GLDC: variants seen among roughly 807,000 people sequenced by gnomAD.
GLDC encodes glycine dehydrogenase (decarboxylating), mitochondrial.
GLDC carries 104 observed loss-of-function variants against 121.3 expected under a neutral mutation model. That is an observed-to-expected ratio of 0.86 (90% CI 0.73 to 1.01). The LOEUF (loss-of-function observed/expected upper bound fraction) is 1.01, where lower values mean the gene tolerates loss of function less well. Ranked by LOEUF, GLDC falls within the 50% of genes least tolerant of loss-of-function variation. The probability of loss-of-function intolerance (pLI) is 0.00; values close to 1 mark genes in which losing one functional copy is unlikely to be tolerated. For synonymous variants in GLDC, 546 were observed against 480.6 expected (o/e 1.14, Z -1.78); for missense variants, 1,429 against 1,306.6 (o/e 1.09, Z -1.44).
At chr9:6,602,464 C>T (rs373643354) in intron 7 of GLDC, among the ~76,000 whole-genome samples, 1 of 151,334 alleles carries the variant, frequency 6.6e-6, no homozygotes, top group Non-Finnish European at 1.5e-5. Context: ...GCAACCTCTG[C>T]CTTCTGGTTT....
chr9:6,589,258 C>T lies in GLDC; in HGVS notation c.1517G>A (p.Arg506Lys). The change falls in exon 12 of 25, where the codon AGA (arginine) becomes AAA (lysine). Residue 506 changes from arginine to lysine, a missense_variant. Coordinates refer to ENST00000321612, the MANE Select transcript of GLDC (RefSeq NM_000170.3). The stretch of plus-strand genomic sequence containing the variant: ...CTTGAACACAGACCCTGGAATACCT[C>T]TGCACTCCTCTCCCATGCTTTCAGC... Reference protein sequence around the residue: ...LVAESMGEECRGIPGSVFKRT... With the variant: ...LVAESMGEECKGIPGSVFKRT... 4 of 1,610,418 alleles carry T rather than the reference C, an allele frequency of 2.5e-6. No individual in the cohort carries two copies. Among genetic ancestry groups the T allele is most frequent in the Non-Finnish European group, 3.4e-6 (4 of 1,176,602 alleles).
At chr9:6,568,349 T>A (rs1454331098) in intron 15 of GLDC, among the ~76,000 whole-genome samples, 1 of 152,210 alleles carries the variant, frequency 6.6e-6, no homozygotes, top group African/African-American at 2.4e-5. Flanking sequence ...AAAAGTCTTA[T>A]GAAAAATAAT....
chr9:6,644,663 G>A lies in GLDC; in HGVS notation c.285C>T (p.Val95=). 3 of 1,613,432 alleles carry A rather than the reference G, an allele frequency of 1.9e-6. No individual in the cohort carries two copies. The highest frequency in any genetic ancestry group is 2.5e-6 in the Non-Finnish European group (3 of 1,179,426). Residue 95 remains valine, a synonymous_variant, in exon 2 of 25, where the codon GTC becomes GTT. Transcript: ENST00000321612. Reference sequence around the variant, plus strand: ...GTCTTTTCAAACGGATGTTGGCAGGGACCGTCTTCTCGATCAATTCATCAA... The same window carrying A: ...GTCTTTTCAAACGGATGTTGGCAGGAACCGTCTTCTCGATCAATTCATCAA... ...ASIDELIEKT[V]PANIRLKRPL...
intron 15 of GLDC, among the ~76,000 whole-genome samples, chr9:6,571,626 G>A (rs992901170): frequency 1.3e-5 from 2 of 152,182 alleles, no homozygotes; most frequent in Non-Finnish European, 2.9e-5. Flanking sequence ...CAGTGGATAT[G>A]CTGGACAAAG....
chr9:6,612,129 G>A (rs1256071060), intron 3 of GLDC, among the ~76,000 whole-genome samples: 1 of 151,784 alleles, frequency 6.6e-6, no homozygotes, highest in Non-Finnish European at 1.5e-5. Context: ...CTAATTTACA[G>A]TTGCTAAGCC....
At chr9:6,559,759 G>A (rs1283043847) in intron 16 of GLDC, among the ~76,000 whole-genome samples, 2 of 151,750 alleles carry the variant, frequency 1.3e-5, no homozygotes, top group Non-Finnish European at 2.9e-5. Flanking sequence ...AGGTTGCAGC[G>A]AGCCGAGATC....
chr9:6,615,757 C>A (rs964856722), intron 3 of GLDC, among the ~76,000 whole-genome samples: 1 of 151,874 alleles, frequency 6.6e-6, no homozygotes, highest in Non-Finnish European at 1.5e-5. Context: ...ATTACAGGTG[C>A]CTATCACTAG....
chr9:6,597,009 G>C (rs1818505356), intron 8 of GLDC, among the ~76,000 whole-genome samples: 1 of 152,184 alleles, frequency 6.6e-6, no homozygotes, highest in Non-Finnish European at 1.5e-5. Context: ...ACAAAATGTA[G>C]CATGTCCAAA....
intron 2 of GLDC, among the ~76,000 whole-genome samples, chr9:6,633,297 TA>T (rs1425502942): frequency 1.3e-5 from 2 of 152,128 alleles, no homozygotes; most frequent in African/African-American, 4.8e-5. Context: ...TATTTCCTTA[TA>T]TCCTGGCTTT....
chr9:6,553,918 G>T (rs144890090), intron 19 of GLDC, among the ~76,000 whole-genome samples: 1 of 152,068 alleles, frequency 6.6e-6, no homozygotes, highest in African/African-American at 2.4e-5. Context: ...CCTGACAGCT[G>T]AAGCACTGGA....
At chr9:6,592,526 G>A (rs1337322625) in intron 10 of GLDC, among the ~76,000 whole-genome samples, 1 of 152,170 alleles carries the variant, frequency 6.6e-6, no homozygotes, top group Admixed American at 6.5e-5. Context: ...ATATTGAGGA[G>A]ATTTTCTTCC....
At position 6,553,427 on chromosome 9, in the gene GLDC, C is replaced by T. The variant is rs754581403; in HGVS notation, c.2398G>A (p.Val800Ile). 10 of 1,613,622 alleles carry T rather than the reference C, an allele frequency of 6.2e-6. No individual in the cohort carries two copies. The highest frequency in any genetic ancestry group is 3.3e-5 in the South Asian group (3 of 91,080). Residue 800 changes from valine (V) to isoleucine (I), a missense_variant, in exon 20 of 25, where the codon GTC (valine) becomes ATC (isoleucine). Val to Ile is a conservative substitution (Grantham distance 29). Coordinates refer to ENST00000321612, the MANE Select transcript of GLDC (RefSeq NM_000170.3). ...CTGGAGCCCCATGGGGCCGCACTGA[C>T]GGTTCCCACAGGACAGGCATCCTCA... ...RNEDACPVGT[V>I]SAAPWGSSSI...
chr9:6,534,471 A>G (rs1020147160), intron 24 of GLDC, among the ~76,000 whole-genome samples: 2 of 152,004 alleles, frequency 1.3e-5, no homozygotes, highest in African/African-American at 4.8e-5. Flanking sequence ...ACTGGGCAGG[A>G]CTCGTATTCA....
chr9:6,639,701 TTCTGCTGTGAGGGACTAC>T (rs1819590865), intron 2 of GLDC: 14 of 153,392 alleles, frequency 9.1e-5, no homozygotes, highest in South Asian at 3.1e-4. Flanking sequence ...ACAAAACAGA[TTCTGCTGTGAGGGACTAC>T]ATATACAAAT....
At position 6,565,386 on chromosome 9, in the gene GLDC, A is replaced by G. The variant is rs775184849; in HGVS notation, c.1894T>C (p.Tyr632His). The change falls in exon 16 of 25, where the codon TAC becomes CAC. Residue 632 changes from tyrosine (Y) to histidine (H), a missense_variant. Physicochemically the swap from Tyr to His is moderately conservative, Grantham distance 83. Coordinates refer to ENST00000321612, the MANE Select transcript of GLDC (RefSeq NM_000170.3). ...TGCCCCTCTCCTTTCTGGTTTAAGT[A>G]GGCTCGGATAGTGGCCAGTCCAGCA... ...EYAGLATIRAYLNQKGEGHRT... is the reference protein window; with the variant it reads ...EYAGLATIRAHLNQKGEGHRT... The G allele has an allele frequency of 3.1e-6, 5 of 1,613,906 alleles. No individual in the cohort carries two copies. Among genetic ancestry groups the G allele is most frequent in the Non-Finnish European group, 4.2e-6 (5 of 1,179,794 alleles).
chr9:6,544,014 T>C (rs1486613973), intron 21 of GLDC, among the ~76,000 whole-genome samples: 6 of 151,934 alleles, frequency 3.9e-5, no homozygotes, highest in African/African-American at 1.2e-4. Flanking sequence ...TGTGAAAAAA[T>C]AGGGCTGCTC....
intron 8 of GLDC, among the ~76,000 whole-genome samples, chr9:6,600,191 T>C (rs1210210990): frequency 6.6e-6 from 1 of 152,068 alleles, no homozygotes; most frequent in Non-Finnish European, 1.5e-5. Context: ...AAGTGAGACC[T>C]CGCCTCTACA....
At chr9:6,545,652 T>A (rs1817372253) in intron 21 of GLDC, among the ~76,000 whole-genome samples, 1 of 152,238 alleles carries the variant, frequency 6.6e-6, no homozygotes, top group South Asian at 2.1e-4. Flanking sequence ...TAACTTTTTT[T>A]ATTTTTGAGA....
chr9:6,629,404 A>G (rs996242437), intron 2 of GLDC, among the ~76,000 whole-genome samples: 9 of 151,952 alleles, frequency 5.9e-5, no homozygotes, highest in Non-Finnish European at 1.3e-4. Flanking sequence ...TGGTGGAGAC[A>G]GGGTTTCACC....
Sources: allele counts gnomAD v4.1 joint callset (sites outside exome capture counted in the v4.1 genomes callset), GRCh38; gene constraint gnomAD v4.1.1; transcripts MANE v1.5; gene names NCBI Gene and HGNC (gene_info 2026-07-23, HGNC 2026-07-21).